Variants in CCDC178 observed in about 807,000 individuals in gnomAD.
CCDC178 encodes the protein coiled-coil domain containing 178.
In CCDC178, 126 loss-of-function variants were observed where a neutral mutation model predicts 117.4. The ratio of observed to expected loss-of-function variants is 1.07; its 90% CI spans 0.93 to 1.24. The LOEUF is 1.24. Ranked by LOEUF, CCDC178 falls within the 50% of genes most tolerant of loss-of-function variation. CCDC178 has a pLI of 0.00. For missense variants in CCDC178, 1,030 were observed against 986.9 expected, an observed-to-expected ratio of 1.04 and a Z score of -0.59; for synonymous variants, 283 against 313.4, an observed-to-expected ratio of 0.90 and a Z score of 1.02.
At chr18:33,254,251 AACACACACAC>A (rs34689445) in intron 14 of CCDC178, among the ~76,000 whole-genome samples, 1,908 of 135,454 alleles carry the variant, frequency 0.014, 38 homozygotes, top group African/African-American at 0.046. Flanking sequence ...TCTATTGAGA[AACACACACAC>A]ACACACACAC....
At chr18:33,421,906 C>T (rs1477096370) in intron 2 of CCDC178, among the ~76,000 whole-genome samples, 1 of 152,198 alleles carries the variant, frequency 6.6e-6, no homozygotes, top group Non-Finnish European at 1.5e-5. Flanking sequence ...CTTAAACTCT[C>T]TATTTCCCAC....
At chr18:33,070,805 A>C (rs2057095474) in intron 21 of CCDC178, among the ~76,000 whole-genome samples, 1 of 152,094 alleles carries the variant, frequency 6.6e-6, no homozygotes, top group African/African-American at 2.4e-5. Flanking sequence ...TTATGTATCA[A>C]TACAAATTGG....
intron 20 of CCDC178, among the ~76,000 whole-genome samples, chr18:33,098,892 T>G (rs1000412164): frequency 1.3e-5 from 2 of 151,978 alleles, no homozygotes; most frequent in African/African-American, 2.4e-5. Context: ...GAGGCTGAAG[T>G]GTGAAGAATT....
At chr18:33,077,685 A>G (rs927159707) in intron 21 of CCDC178, among the ~76,000 whole-genome samples, 10 of 152,196 alleles carry the variant, frequency 6.6e-5, no homozygotes, top group Non-Finnish European at 1.2e-4. Flanking sequence ...CCTAGGAGAG[A>G]TGGATAAATT....
intron 21 of CCDC178, among the ~76,000 whole-genome samples, chr18:33,034,353 T>G (rs1350244062): frequency 6.6e-6 from 1 of 152,018 alleles, no homozygotes; most frequent in Non-Finnish European, 1.5e-5. Context: ...AATGAAAGCC[T>G]TATCTTGTCA....
intron 2 of CCDC178, among the ~76,000 whole-genome samples, chr18:33,416,929 A>AT (rs974997635): frequency 2.5e-4 from 13 of 52,986 alleles, no homozygotes; most frequent in East Asian, 0.02. Context: ...AATGACTAAA[A>AT]TTAAAAAAAA....
intron 20 of CCDC178, among the ~76,000 whole-genome samples, chr18:33,166,354 C>A (rs1296053362): frequency 6.6e-6 from 1 of 152,060 alleles, no homozygotes; most frequent in Non-Finnish European, 1.5e-5. Flanking sequence ...ATAACTGTTT[C>A]CCTTTGTCAC....
intron 5 of CCDC178, among the ~76,000 whole-genome samples, chr18:33,379,461 T>C (rs993245242): frequency 6.6e-6 from 1 of 152,088 alleles, no homozygotes; most frequent in Non-Finnish European, 1.5e-5. Flanking sequence ...TTTTGCTTTA[T>C]GCAATAGGAT....
intron 3 of CCDC178, among the ~76,000 whole-genome samples, chr18:33,406,667 C>G (rs1015813621): frequency 6.6e-6 from 1 of 151,988 alleles, no homozygotes; most frequent in Middle Eastern, 3.4e-3. Flanking sequence ...TACTCTTAAC[C>G]AAAATATTTC....
chr18:33,396,352 A>G (rs925998278), intron 4 of CCDC178, among the ~76,000 whole-genome samples: 1 of 152,158 alleles, frequency 6.6e-6, no homozygotes, highest in Non-Finnish European at 1.5e-5. Flanking sequence ...CTGTTATGTC[A>G]CTGTAAATTC....
intron 21 of CCDC178, among the ~76,000 whole-genome samples, chr18:33,065,194 G>A (rs2056990582): frequency 6.6e-6 from 1 of 152,040 alleles, no homozygotes; most frequent in Admixed American, 6.6e-5. Flanking sequence ...TGCACAGTAG[G>A]GTGACATGGC....
In CCDC178 at chr18:32,939,525, C is replaced by T. The variant is rs554668287; in HGVS notation, c.2524-1434G>A. On this transcript the variant is annotated intron_variant, in intron 22 of 22. Transcript: ENST00000383096. ...ATATCATAGATATACAGAATACTTG[C>T]TCAATTAATGGGCTAGGAATGAATT... Among the ~76,000 whole-genome samples the T allele has an allele frequency of 2.6e-4, 39 of 152,162 alleles. No homozygotes were observed. In the South Asian group the frequency reaches 5.2e-3, roughly 20 times the overall value.
intron 20 of CCDC178, among the ~76,000 whole-genome samples, chr18:33,199,790 C>T (rs1364554092): frequency 6.6e-6 from 1 of 152,148 alleles, no homozygotes; most frequent in Non-Finnish European, 1.5e-5. Context: ...ATTTCTGCAA[C>T]CGTATTCTGT....
At chr18:33,146,856 A>G (rs932970640) in intron 20 of CCDC178, among the ~76,000 whole-genome samples, 1 of 152,240 alleles carries the variant, frequency 6.6e-6, no homozygotes, top group African/African-American at 2.4e-5. Flanking sequence ...CTGACCAGTA[A>G]CAACAGATGG....
intron 10 of CCDC178, among the ~76,000 whole-genome samples, 165 bp downstream of exon 10, chr18:33,333,009 T>G (rs1454592617): frequency 6.8e-6 from 1 of 147,988 alleles, no homozygotes; most frequent in East Asian, 2.0e-4. Context: ...AAAGAAGACA[T>G]AGTTAAAATG....
chr18:33,258,180 G>C (rs1360932177), intron 14 of CCDC178, among the ~76,000 whole-genome samples: 1 of 151,958 alleles, frequency 6.6e-6, no homozygotes, highest in East Asian at 1.9e-4. Context: ...TAAAATATAA[G>C]ATTATGAAAA....
chr18:33,048,489 C>A (rs1283190346), intron 21 of CCDC178, among the ~76,000 whole-genome samples: 2 of 152,076 alleles, frequency 1.3e-5, no homozygotes, highest in African/African-American at 4.8e-5. Context: ...TTTTTTACAT[C>A]CTCATGAAAT....
chr18:33,086,836 C>A (rs906288209), intron 21 of CCDC178, among the ~76,000 whole-genome samples: 1 of 151,964 alleles, frequency 6.6e-6, no homozygotes, highest in African/African-American at 2.4e-5. Context: ...AGGGACTGTC[C>A]TGTGCATTGT....
At chr18:33,412,749 T>C (rs1482829269) in intron 2 of CCDC178, among the ~76,000 whole-genome samples, 3 of 152,212 alleles carry the variant, frequency 2.0e-5, no homozygotes, top group Non-Finnish European at 4.4e-5. Context: ...CAATTAATGA[T>C]GTCTTAATAT....
Sources: gnomAD v4.1 joint callset for allele counts (sites outside exome capture counted in the v4.1 genomes callset) on GRCh38, gnomAD v4.1.1 for gene constraint, MANE v1.5 for transcripts, NCBI Gene and HGNC (gene_info 2026-07-23, HGNC 2026-07-21) for gene names.